PXDNL: variants seen among roughly 807,000 people sequenced by gnomAD.
The protein encoded by PXDNL is peroxidasin like.
In PXDNL, 145 loss-of-function variants were observed where a neutral mutation model predicts 150.8. The ratio of observed to expected loss-of-function variants is 0.96; its 90% CI spans 0.84 to 1.10. PXDNL has a LOEUF of 1.10. Ranked by LOEUF, PXDNL falls within the 50% of genes least tolerant of loss-of-function variation. The pLI is 0.00. For missense variants in PXDNL, 2,087 were observed against 1,873.9 expected, an observed-to-expected ratio of 1.11 and a Z score of -2.10; for synonymous variants, 757 against 725.7, an observed-to-expected ratio of 1.04 and a Z score of -0.69.
chr8:51,808,334 TTTC>T (rs1251737010), intron 1 of PXDNL, among the ~76,000 whole-genome samples: 21 of 152,156 alleles, frequency 1.4e-4, no homozygotes, highest in East Asian at 1.9e-4. Flanking sequence ...CATTTTTCCT[TTTC>T]TTCTTTTATT....
intron 2 of PXDNL, among the ~76,000 whole-genome samples, chr8:51,641,931 C>A (rs1437436461): frequency 6.6e-6 from 1 of 152,026 alleles, no homozygotes; most frequent in Middle Eastern, 3.2e-3. Context: ...GCTCTATTCA[C>A]AATAGCAAAG....
At chr8:51,381,622 CTTTATTTATTTATTTATTTA>C (rs143944182) in intron 17 of PXDNL, among the ~76,000 whole-genome samples, 22 of 141,842 alleles carry the variant, frequency 1.6e-4, no homozygotes, top group African/African-American at 1.1e-4. Flanking sequence ...TGACTGGTGT[CTTTATTTATTTATTTATTTA>C]TTTATTTATT....
At chr8:51,488,100 A>G (rs1169103268) in intron 5 of PXDNL, among the ~76,000 whole-genome samples, 3 of 152,270 alleles carry the variant, frequency 2.0e-5, no homozygotes, top group Non-Finnish European at 1.5e-5. Context: ...TGAAGTAGAT[A>G]TGCAAATCTT....
chr8:51,370,885 C>T (rs1260714645), intron 19 of PXDNL, among the ~76,000 whole-genome samples: 1 of 152,260 alleles, frequency 6.6e-6, no homozygotes, highest in Non-Finnish European at 1.5e-5. Flanking sequence ...GCGTGAGCCT[C>T]CGCACCCGGC....
intron 1 of PXDNL, among the ~76,000 whole-genome samples, chr8:51,740,886 A>G (rs1448816516): frequency 6.6e-6 from 1 of 152,190 alleles, no homozygotes; most frequent in East Asian, 1.9e-4. Flanking sequence ...AGATTTTCAC[A>G]TCAATGTTCA....
chr8:51,549,049 C>T (rs767487952), intron 4 of PXDNL, among the ~76,000 whole-genome samples: 3 of 152,172 alleles, frequency 2.0e-5, no homozygotes, highest in Non-Finnish European at 1.5e-5. Flanking sequence ...AGACAAAACA[C>T]ACTATAAAGC....
At chr8:51,632,924 G>A (rs1352028324) in intron 2 of PXDNL, among the ~76,000 whole-genome samples, 1 of 152,056 alleles carries the variant, frequency 6.6e-6, no homozygotes, top group East Asian at 1.9e-4. Context: ...GATTCAGGGG[G>A]TACATGTGTA....
intron 8 of PXDNL, among the ~76,000 whole-genome samples, chr8:51,469,320 A>G (rs1261174179): frequency 6.6e-6 from 1 of 152,014 alleles, no homozygotes; most frequent in Non-Finnish European, 1.5e-5. Context: ...TATTTTTTAA[A>G]TCCTATTTTG....
Position 51,408,369 on chromosome 8 carries a change from G to C in PXDNL, c.3255C>G (p.Leu1085=). ...SEGHLPFHKA[L]FSPSRIIKEG... ...CCTTGATTATTCTGGACGGTGAAAA[G>C]AGCGCTTTATGGAACGGAAGGTGGC... Residue 1085 remains leucine (L), a synonymous_variant, in exon 17 of 23, where the codon CTC becomes CTG. Transcript: ENST00000356297. The C allele has an allele frequency of 1.2e-6, 2 of 1,614,066 alleles. No homozygotes were observed. Among genetic ancestry groups the C allele is most frequent in the Admixed American group, 1.7e-5 (1 of 60,038 alleles).
intron 1 of PXDNL, among the ~76,000 whole-genome samples, chr8:51,737,833 T>C (rs1255949395): frequency 6.6e-6 from 1 of 152,044 alleles, no homozygotes; most frequent in Admixed American, 6.5e-5. Context: ...TGGCATGCTT[T>C]CTATATGTAG....
intron 4 of PXDNL, among the ~76,000 whole-genome samples, chr8:51,531,932 T>C (rs1397954353): frequency 6.6e-6 from 1 of 152,266 alleles, no homozygotes; most frequent in East Asian, 1.9e-4. Flanking sequence ...CACATTCAGT[T>C]GCAGACATCC....
chr8:51,541,564 C>T (rs1563457026), intron 4 of PXDNL, among the ~76,000 whole-genome samples: 1 of 152,148 alleles, frequency 6.6e-6, no homozygotes, highest in Non-Finnish European at 1.5e-5. Flanking sequence ...TCCTCCGACA[C>T]GTGCAGATCA....
At chr8:51,494,037 C>T (rs1273496218) in intron 5 of PXDNL, among the ~76,000 whole-genome samples, 1 of 152,086 alleles carries the variant, frequency 6.6e-6, no homozygotes, top group Admixed American at 6.6e-5. Context: ...AGAGAAAGGT[C>T]GGGTTACCCA....
chr8:51,319,952 C>A lies in PXDNL; in HGVS notation c.4331G>T (p.Gly1444Val), dbSNP rs199528987. Residue 1444 changes from glycine to valine, a missense_variant, in exon 23 of 23, where the codon GGA becomes GTA. Transcript: ENST00000356297. ...APCPSPELVK[G>V]TCCPVCRDRG... Reference sequence around the variant, plus strand: ...GTCTCTGCAAACTGGACAGCAGGTTCCTTTCACCAATTCAGGACTGGGACA... The same window carrying A: ...GTCTCTGCAAACTGGACAGCAGGTTACTTTCACCAATTCAGGACTGGGACA... The A allele has an allele frequency of 1.1e-5, 17 of 1,579,556 alleles. No individual in the cohort carries two copies. In the African/African-American group the frequency reaches 2.0e-4, roughly 19 times the overall value.
intron 21 of PXDNL, among the ~76,000 whole-genome samples, chr8:51,323,785 G>A (rs1805396160): frequency 6.6e-6 from 1 of 151,576 alleles, no homozygotes; most frequent in Non-Finnish European, 1.5e-5. Flanking sequence ...GCGTAGTGGT[G>A]GGTGCCTGTA....
chr8:51,352,873 T>C (rs1012846949), intron 19 of PXDNL, among the ~76,000 whole-genome samples: 4 of 152,134 alleles, frequency 2.6e-5, no homozygotes, highest in Non-Finnish European at 4.4e-5. Context: ...ATAGCACATA[T>C]TCTCACTTAT....
rs549758500 is a variant in PXDNL, at chr8:51,743,767, T to C, written c.164+65414A>G. On this transcript the variant is annotated intron_variant, in intron 1 of 22. Coordinates refer to ENST00000356297, the MANE Select transcript of PXDNL (RefSeq NM_144651.5). ...CCGACCTCAAGCAATCCACCAGCCT[T>C]GGCCTCCCAAAATGCTGGAATTACA... Among the ~76,000 whole-genome samples, 11 of 152,042 alleles carry C rather than the reference T, an allele frequency of 7.2e-5. No homozygotes were observed. The East Asian group carries it at 1.8e-3, about 24-fold the overall frequency.
intron 21 of PXDNL, 110 bp downstream of exon 21, chr8:51,339,514 T>G (rs976317090): frequency 1.7e-6 from 2 of 1,149,634 alleles, no homozygotes; most frequent in African/African-American, 3.2e-5. Flanking sequence ...GTATAGGTTT[T>G]TATTATTCTG....
intron 4 of PXDNL, among the ~76,000 whole-genome samples, chr8:51,528,371 G>A (rs2130417672): frequency 6.6e-6 from 1 of 152,244 alleles, no homozygotes; most frequent in South Asian, 2.1e-4. Context: ...TGTTTAAAAT[G>A]TTTAAATGTT....
Sources: allele counts gnomAD v4.1 joint callset (sites outside exome capture counted in the v4.1 genomes callset), GRCh38; gene constraint gnomAD v4.1.1; transcripts MANE v1.5; gene names NCBI Gene and HGNC (gene_info 2026-07-23, HGNC 2026-07-21).